EPHB1: variants seen among roughly 807,000 people sequenced by gnomAD.
EPHB1 encodes EPH receptor B1, also known as ephrin type-B receptor 1.
A neutral mutation model predicts 94.4 loss-of-function variants in EPHB1; 30 were observed. The ratio of observed to expected loss-of-function variants is 0.32; its 90% CI spans 0.24 to 0.43. The LOEUF (loss-of-function observed/expected upper bound fraction) is 0.43, where lower values mean the gene tolerates loss of function less well. Ranked by LOEUF, EPHB1 falls within the 20% of genes least tolerant of loss-of-function variation. EPHB1 has a pLI of 1.00. For synonymous variants in EPHB1, 522 were observed against 489.1 expected (o/e 1.07, Z -0.89); for missense variants, 1,055 against 1,308.3 (o/e 0.81, Z 2.99).
At chr3:135,212,109 C>T (rs535587908) in intron 12 of EPHB1, among the ~76,000 whole-genome samples, 5 of 152,046 alleles carry the variant, frequency 3.3e-5, no homozygotes, top group South Asian at 2.1e-4. Context: ...TGAGCCCTTC[C>T]GGTGACTTTT....
chr3:135,044,497 G>T (rs1341147648), intron 3 of EPHB1, among the ~76,000 whole-genome samples: 1 of 152,206 alleles, frequency 6.6e-6, no homozygotes, highest in African/African-American at 2.4e-5. Context: ...CAGCTTCATG[G>T]TCAGCCAGAA....
chr3:135,144,757 G>A (rs1001720785), intron 5 of EPHB1, among the ~76,000 whole-genome samples: 1 of 152,104 alleles, frequency 6.6e-6, no homozygotes, highest in African/African-American at 2.4e-5. Context: ...TGAAGGCCAG[G>A]CATGAAGCCC....
intron 3 of EPHB1, among the ~76,000 whole-genome samples, chr3:135,071,496 G>C (rs1017223680): frequency 6.6e-6 from 1 of 152,196 alleles, no homozygotes; most frequent in Non-Finnish European, 1.5e-5. Flanking sequence ...GCTCCTGAAG[G>C]CAAGCTGCAG....
chr3:134,989,003 C>T (rs1342586976), intron 3 of EPHB1, among the ~76,000 whole-genome samples: 3 of 152,126 alleles, frequency 2.0e-5, no homozygotes, highest in African/African-American at 7.2e-5. Flanking sequence ...GAACTCTAGG[C>T]CAGGGACTGA....
At chr3:134,877,781 G>A (rs2037646645) in intron 1 of EPHB1, among the ~76,000 whole-genome samples, 2 of 152,162 alleles carry the variant, frequency 1.3e-5, no homozygotes, top group South Asian at 4.2e-4. Context: ...TGTCATACCC[G>A]TGGTTTCGGC....
chr3:135,086,573 C>T (rs940166577), intron 3 of EPHB1, among the ~76,000 whole-genome samples: 3 of 151,846 alleles, frequency 2.0e-5, no homozygotes, highest in African/African-American at 7.3e-5. Flanking sequence ...GACATTTTCT[C>T]ACCCTGGGGT....
At chr3:135,236,885 G>T (rs945109036) in intron 12 of EPHB1, among the ~76,000 whole-genome samples, 1 of 152,198 alleles carries the variant, frequency 6.6e-6, no homozygotes, top group Non-Finnish European at 1.5e-5. Context: ...TTAGCAAAAG[G>T]AATCAGTCAT....
intron 9 of EPHB1, among the ~76,000 whole-genome samples, chr3:135,171,626 G>A (rs1282368854): frequency 6.6e-6 from 1 of 152,146 alleles, no homozygotes; most frequent in Non-Finnish European, 1.5e-5. Context: ...CAAAAATAAA[G>A]CAGTGCAAAT....
At chr3:135,102,078 C>A (rs546136483) in intron 3 of EPHB1, among the ~76,000 whole-genome samples, 2 of 152,126 alleles carry the variant, frequency 1.3e-5, no homozygotes, top group Non-Finnish European at 2.9e-5. Flanking sequence ...TAGTGCTGAC[C>A]GTAATTCTGT....
At chr3:135,056,726 A>T (rs1238748093) in intron 3 of EPHB1, among the ~76,000 whole-genome samples, 2 of 152,220 alleles carry the variant, frequency 1.3e-5, no homozygotes, top group African/African-American at 4.8e-5. Flanking sequence ...TTTCCACACA[A>T]AGATGCTTGG....
chr3:135,123,703 G>C (rs1940076717), intron 4 of EPHB1, among the ~76,000 whole-genome samples: 1 of 151,958 alleles, frequency 6.6e-6, no homozygotes, highest in South Asian at 2.1e-4. Context: ...TTATTGTTAA[G>C]TTGGGGATAA....
intron 5 of EPHB1, among the ~76,000 whole-genome samples, chr3:135,143,710 T>C (rs1014837697): frequency 6.6e-6 from 1 of 152,110 alleles, no homozygotes; most frequent in Non-Finnish European, 1.5e-5. Context: ...GTACCAATGG[T>C]TGTGTCCTCA....
chr3:135,068,046 G>A (rs1320377224), intron 3 of EPHB1: 1 of 152,330 alleles, frequency 6.6e-6, no homozygotes, highest in African/African-American at 2.4e-5. Context: ...GGCACTCACA[G>A]TATTTGGGGT....
chr3:134,965,966 T>A (rs1933728706), intron 3 of EPHB1, among the ~76,000 whole-genome samples: 1 of 152,170 alleles, frequency 6.6e-6, no homozygotes, highest in Non-Finnish European at 1.5e-5. Flanking sequence ...TCAGATCTTT[T>A]CCCATCTCCT....
At chr3:135,205,387 C>T (rs1007474188) in intron 12 of EPHB1, among the ~76,000 whole-genome samples, 2 of 152,078 alleles carry the variant, frequency 1.3e-5, no homozygotes, top group Admixed American at 6.6e-5. Flanking sequence ...TCTTTTCCCC[C>T]ATCTGTTATT....
intron 3 of EPHB1, among the ~76,000 whole-genome samples, chr3:135,001,035 C>T (rs959928022): frequency 1.3e-5 from 2 of 152,134 alleles, no homozygotes; most frequent in Non-Finnish European, 2.9e-5. Flanking sequence ...TCAGCTGGCT[C>T]GGAGCAGACA....
chr3:135,140,585 T>G (rs918805365), intron 5 of EPHB1, among the ~76,000 whole-genome samples: 2 of 152,200 alleles, frequency 1.3e-5, no homozygotes, highest in African/African-American at 2.4e-5. Context: ...GAGCTGTGAT[T>G]GCAGTTACCC....
chr3:135,170,932 C>T (rs889852955), intron 9 of EPHB1, among the ~76,000 whole-genome samples: 11 of 152,192 alleles, frequency 7.2e-5, no homozygotes, highest in African/African-American at 2.4e-4. Flanking sequence ...GATAACATTA[C>T]AGCACTACTG....
At chr3:135,093,937 T>A (rs6439556) in intron 3 of EPHB1, among the ~76,000 whole-genome samples, 122,878 of 152,118 alleles carry the variant, frequency 0.81, 52,239 homozygotes, top group Non-Finnish European at 0.94. Context: ...GGGGTCATGA[T>A]TTTCCATTTA....
Sources: gnomAD v4.1 joint callset for allele counts (sites outside exome capture counted in the v4.1 genomes callset) on GRCh38, gnomAD v4.1.1 for gene constraint, MANE v1.5 for transcripts, NCBI Gene and HGNC (gene_info 2026-07-23, HGNC 2026-07-21) for gene names.